Variants in CHN1 observed in about 807,000 individuals in gnomAD.
CHN1 encodes chimerin 1, also known as N-chimaerin.
Under a neutral mutation model 59.5 loss-of-function variants are expected in CHN1, and 37 were observed. The observed-to-expected ratio is 0.62, with a 90% CI of 0.48 to 0.82. The LOEUF is 0.82. Ranked by LOEUF, CHN1 falls within the 40% of genes least tolerant of loss-of-function variation. The pLI is 0.00. For missense variants in CHN1, 469 were observed against 571.0 expected, an observed-to-expected ratio of 0.82 and a Z score of 1.82; for synonymous variants, 206 against 200.4, an observed-to-expected ratio of 1.03 and a Z score of -0.24.
At chr2:174,872,199 G>A (rs1434132288) in intron 6 of CHN1, among the ~76,000 whole-genome samples, 2 of 152,084 alleles carry the variant, frequency 1.3e-5, no homozygotes, top group African/African-American at 2.4e-5. Context: ...CAGGAGGATC[G>A]CTTGAGCCCA....
chr2:174,958,380 G>A (rs1690284172), intron 1 of CHN1, among the ~76,000 whole-genome samples: 1 of 152,188 alleles, frequency 6.6e-6, no homozygotes, highest in African/African-American at 2.4e-5. Context: ...TTTAGTCCAT[G>A]AAGGTGGTTG....
At chr2:174,921,931 T>A (rs1650673392) in intron 3 of CHN1, among the ~76,000 whole-genome samples, 1 of 152,174 alleles carries the variant, frequency 6.6e-6, no homozygotes, top group Non-Finnish European at 1.5e-5. Context: ...AGCCAAACCA[T>A]ATCATATACT....
At chr2:174,949,660 CT>C (rs1689956335) in intron 2 of CHN1, among the ~76,000 whole-genome samples, 1 of 152,162 alleles carries the variant, frequency 6.6e-6, no homozygotes, top group South Asian at 2.1e-4. Flanking sequence ...GTCACCAAGC[CT>C]GGCTGCAATT....
chr2:174,966,666 G>A (rs1036443585), intron 1 of CHN1, among the ~76,000 whole-genome samples: 2 of 152,176 alleles, frequency 1.3e-5, no homozygotes, highest in Non-Finnish European at 2.9e-5. Context: ...CAGGAAATGG[G>A]TCATTTAACT....
chr2:174,915,209 C>T, intron 4 of CHN1, 38 bp from the exon 5 acceptor site: 1 of 1,483,668 alleles, frequency 6.7e-7, no homozygotes, highest in East Asian at 2.4e-5. Context: ...GTGCTTTCTA[C>T]ATTTTTCAAT....
rs531155910 is a variant in CHN1, at chr2:174,897,914, A to AATCC, written c.260+17143_260+17144insGGAT. On this transcript the variant is annotated intron_variant, in intron 5 of 12. Transcript: ENST00000409900. ...GTGACTTGCTCCTAAATCTGACAGAAATCTTTTATTTCTGCCGCAGAGACT... is the reference window on the plus strand; with the variant it reads ...GTGACTTGCTCCTAAATCTGACAGAAATCCATCTTTTATTTCTGCCGCAGAGACT... 4.4e-3 allele frequency among the ~76,000 whole-genome samples: 676 copies of AATCC among 152,282 alleles called. 5 individuals carry two copies. The highest frequency in any genetic ancestry group is 0.015 in the African/African-American group (636 of 41,542).
chr2:174,978,702 A>G (rs1294993383), intron 1 of CHN1, among the ~76,000 whole-genome samples: 1 of 152,252 alleles, frequency 6.6e-6, no homozygotes, highest in Non-Finnish European at 1.5e-5. Context: ...AAAATGCAAT[A>G]AAGATTCTGG....
At chr2:174,841,792 G>A (rs1686312097) in intron 7 of CHN1, among the ~76,000 whole-genome samples, 1 of 151,772 alleles carries the variant, frequency 6.6e-6, no homozygotes, top group Non-Finnish European at 1.5e-5. Flanking sequence ...CACAGAAGAG[G>A]CAATGATGAG....
intron 12 of CHN1, among the ~76,000 whole-genome samples, chr2:174,801,274 C>T (rs552545862): frequency 3.3e-5 from 5 of 152,304 alleles, no homozygotes; most frequent in South Asian, 4.1e-4. Flanking sequence ...ATTCAATAAT[C>T]GAAAATCCTG....
Position 174,906,365 on chromosome 2 carries a change from T to C in CHN1, c.260+8693A>G, listed in dbSNP as rs191575000. On this transcript the variant is annotated intron_variant, in intron 5 of 12. Transcript: ENST00000409900. ...GGGAAAAATGTCAGTCACGAACATA[T>C]ATAATGTCATTTATATGAAATGTCT... Among the ~76,000 whole-genome samples, 25 of 152,292 alleles carry C rather than the reference T, an allele frequency of 1.6e-4. No individual in the cohort carries two copies. The East Asian group carries it at 3.1e-3, about 19-fold the overall frequency.
intron 8 of CHN1, 123 bp from the exon 9 acceptor site, chr2:174,812,605 A>ACCAAGAAAGAACT: frequency 1.3e-6 from 1 of 746,614 alleles, no homozygotes; most frequent in Non-Finnish European, 2.1e-6. Flanking sequence ...ACTAGACTCC[A>ACCAAGAAAGAACT]GCAGTTCTTT....
chr2:174,799,228 A>T lies in CHN1; in HGVS notation c.*888T>A. ...CCAGAGTAATATAAGAAGAAAAATA[A>T]ATGGAATTAATGGTTGTTCTAACTG... is the stretch of plus-strand genomic sequence containing the variant. On this transcript the variant is annotated 3_prime_UTR_variant, in exon 13 of 13. Coordinates refer to ENST00000409900, the MANE Select transcript of CHN1 (RefSeq NM_001822.7). 1 of 221,678 alleles carries T rather than the reference A, an allele frequency of 4.5e-6. No individual in the cohort carries two copies. Among genetic ancestry groups the T allele is most frequent in the South Asian group, 6.9e-5 (1 of 14,424 alleles). 13.7% of individuals were successfully genotyped at this position (221,678 alleles called of 1,614,324 possible).
At chr2:174,903,563 T>C (rs1688454290) in intron 5 of CHN1, among the ~76,000 whole-genome samples, 1 of 152,194 alleles carries the variant, frequency 6.6e-6, no homozygotes, top group African/African-American at 2.4e-5. Flanking sequence ...AGTACTATAA[T>C]TTATCATTCT....
chr2:174,890,924 T>C (rs1368029801), intron 5 of CHN1, among the ~76,000 whole-genome samples: 2 of 151,254 alleles, frequency 1.3e-5, no homozygotes, highest in Non-Finnish European at 2.9e-5. Context: ...TCAATAGCAG[T>C]AGAAAAACTA....
chr2:174,866,064 G>A (rs1398730513), intron 6 of CHN1, among the ~76,000 whole-genome samples: 1 of 152,126 alleles, frequency 6.6e-6, no homozygotes, highest in African/African-American at 2.4e-5. Flanking sequence ...TGTGTGTGAG[G>A]GAATTGCTGG....
chr2:174,887,681 A>G (rs931921993), intron 5 of CHN1, among the ~76,000 whole-genome samples: 8 of 152,244 alleles, frequency 5.3e-5, no homozygotes, highest in African/African-American at 1.9e-4. Flanking sequence ...GATTATCAAA[A>G]GCCCCATAAT....
intron 8 of CHN1, among the ~76,000 whole-genome samples, chr2:174,822,032 T>C (rs888698273): frequency 1.3e-5 from 2 of 152,190 alleles, no homozygotes; most frequent in Admixed American, 6.5e-5. Context: ...ATTTAGATAG[T>C]CAAAGGCCAG....
At chr2:174,862,022 A>G (rs989815003) in intron 6 of CHN1, among the ~76,000 whole-genome samples, 16 of 152,186 alleles carry the variant, frequency 1.1e-4, no homozygotes, top group African/African-American at 3.9e-4. Context: ...AAGTCTGATC[A>G]CTTTTCCTCC....
At chr2:174,986,879 G>C (rs1281167945) in intron 1 of CHN1, among the ~76,000 whole-genome samples, 1 of 151,776 alleles carries the variant, frequency 6.6e-6, no homozygotes, top group Non-Finnish European at 1.5e-5. Context: ...TGGGACTACA[G>C]GCGCCCACCA....
Sources: allele counts gnomAD v4.1 joint callset (sites outside exome capture counted in the v4.1 genomes callset), GRCh38; gene constraint gnomAD v4.1.1; transcripts MANE v1.5; gene names NCBI Gene and HGNC (gene_info 2026-07-23, HGNC 2026-07-21).